FSTL4: variants seen among roughly 807,000 people sequenced by gnomAD.
FSTL4 encodes the protein follistatin like 4.
A neutral mutation model predicts 78.2 loss-of-function variants in FSTL4; 28 were observed. The ratio of observed to expected loss-of-function variants is 0.36; its 90% CI spans 0.27 to 0.49. The LOEUF is 0.49. FSTL4 is among the 20% of genes least tolerant of loss of function. The pLI, the probability that FSTL4 is intolerant of heterozygous loss-of-function variation, is 0.98. For synonymous variants in FSTL4, 422 were observed against 440.5 expected, an observed-to-expected ratio of 0.96 and a Z score of 0.53; for missense variants, 922 against 1,084.9, an observed-to-expected ratio of 0.85 and a Z score of 2.11.
chr5:133,460,867 T>G (rs1580723813), intron 3 of FSTL4, among the ~76,000 whole-genome samples: 1 of 152,368 alleles, frequency 6.6e-6, no homozygotes, highest in South Asian at 2.1e-4. Flanking sequence ...CTCTTTCAGT[T>G]AAATCTGTTT....
chr5:133,487,439 T>G (rs1386672975), intron 3 of FSTL4, among the ~76,000 whole-genome samples: 2 of 152,222 alleles, frequency 1.3e-5, no homozygotes, highest in African/African-American at 4.8e-5. Context: ...ACAAAGTCCC[T>G]GCATGTGCAA....
intron 3 of FSTL4, among the ~76,000 whole-genome samples, chr5:133,480,108 C>A (rs1000859543): frequency 6.6e-6 from 1 of 152,304 alleles, no homozygotes; most frequent in Admixed American, 6.5e-5. Flanking sequence ...GGACCCCAGG[C>A]GAAGTTGACC....
intron 3 of FSTL4, among the ~76,000 whole-genome samples, chr5:133,481,567 A>C (rs1348776916): frequency 6.7e-6 from 1 of 149,612 alleles, no homozygotes. Context: ...AAAAGCTATT[A>C]AGCTTTTTTA....
chr5:133,291,777 G>A (rs1179038674), intron 6 of FSTL4, among the ~76,000 whole-genome samples: 3 of 151,908 alleles, frequency 2.0e-5, no homozygotes, highest in African/African-American at 7.3e-5. Context: ...GAGGTGGGGA[G>A]GGTGTGGACG....
chr5:133,203,848 T>C (rs947107869), intron 14 of FSTL4, among the ~76,000 whole-genome samples: 1 of 152,206 alleles, frequency 6.6e-6, no homozygotes, highest in Non-Finnish European at 1.5e-5. Context: ...GGTTACTTCA[T>C]CAAAACGCAG....
At chr5:133,840,257 G>A in the FSTL4 span, among the ~76,000 whole-genome samples, 1 of 152,208 alleles carries the variant, frequency 6.6e-6, no homozygotes, top group Non-Finnish European at 1.5e-5. Context: ...GTGTTTACTT[G>A]AGAACAAATG....
At chr5:133,687,212 A>AG in the FSTL4 span, among the ~76,000 whole-genome samples, 2 of 151,844 alleles carry the variant, frequency 1.3e-5, no homozygotes, top group Admixed American at 6.6e-5. Flanking sequence ...GAGGCTAAAT[A>AG]GGGGGGGCAT....
chr5:133,501,353 A>AG, intron 3 of FSTL4, among the ~76,000 whole-genome samples: 1 of 152,330 alleles, frequency 6.6e-6, no homozygotes, highest in East Asian at 1.9e-4. Context: ...AGGATGGAAG[A>AG]GTTCTTCATT....
intron 3 of FSTL4, among the ~76,000 whole-genome samples, chr5:133,520,704 T>C (rs1229642211): frequency 6.6e-6 from 1 of 152,148 alleles, no homozygotes; most frequent in African/African-American, 2.4e-5. Context: ...AAAAGTCACA[T>C]ATATCATCCA....
the FSTL4 span, among the ~76,000 whole-genome samples, chr5:133,795,567 G>A: frequency 6.6e-6 from 1 of 152,212 alleles, no homozygotes; most frequent in African/African-American, 2.4e-5. Context: ...ACTTCGGAAA[G>A]CTTTGGAATG....
rs1759450535 is a variant in FSTL4, at chr5:133,540,730, A to AAAAAAG, written c.160+26455_160+26456insCTTTTT. Among the ~76,000 whole-genome samples, 3 of 151,584 alleles carry AAAAAAG rather than the reference A, an allele frequency of 2.0e-5. No individual in the cohort carries two copies. The South Asian group carries it at 6.3e-4, about 32-fold the overall frequency. On this transcript the variant is annotated intron_variant, in intron 3 of 15. Transcript: ENST00000265342. ...ATGTTTTAACATAGGCAAAAAAAAA[A>AAAAAAG]AAAAAAAAAGAAAGAAAAAAACAAA...
At position 133,401,085 on chromosome 5, in the gene FSTL4, T is replaced by G. The variant is rs898744905; in HGVS notation, c.161-99A>C. On this transcript the variant is annotated intron_variant, in intron 3 of 15. Transcript: ENST00000265342. ...CTCACAAGCACAGACTCCATTTGCC[T>G]GTGCAGCCAAGCTACTCAAGGTGGG... 1.7e-5 allele frequency: 24 copies of G among 1,413,876 alleles called. 2 individuals carry two copies. The South Asian group carries it at 2.9e-4, about 17-fold the overall frequency. The allele number at this position is 1,413,876 out of a possible 1,614,324, so 87.6% of individuals were successfully genotyped here.
chr5:133,751,241 A>G, the FSTL4 span, among the ~76,000 whole-genome samples: 1 of 152,204 alleles, frequency 6.6e-6, no homozygotes, highest in Non-Finnish European at 1.5e-5. Context: ...AGGAAACAGG[A>G]CACAGGCCCT....
chr5:133,535,832 G>A (rs1759341120), intron 3 of FSTL4, among the ~76,000 whole-genome samples: 1 of 152,140 alleles, frequency 6.6e-6, no homozygotes, highest in Non-Finnish European at 1.5e-5. Flanking sequence ...AGAAATTATG[G>A]GATTTTCTTT....
chr5:133,519,956 T>C (rs939448202), intron 3 of FSTL4, among the ~76,000 whole-genome samples: 1 of 152,176 alleles, frequency 6.6e-6, no homozygotes, highest in Admixed American at 6.5e-5. Context: ...GATAAACAAG[T>C]AGCTAGAGTA....
At chr5:133,365,437 T>TCC (rs1206333151) in intron 4 of FSTL4, among the ~76,000 whole-genome samples, 1 of 152,166 alleles carries the variant, frequency 6.6e-6, no homozygotes, top group African/African-American at 2.4e-5. Flanking sequence ...AGATGGGACC[T>TCC]CCCCTCTGGG....
intron 6 of FSTL4, among the ~76,000 whole-genome samples, chr5:133,250,805 T>C (rs2902803): frequency 0.98 from 148,719 of 152,372 alleles, 72,601 homozygotes; most frequent in East Asian, 1. Flanking sequence ...GCCCTCCTTC[T>C]TCCACAGATG....
Position 133,611,108 on chromosome 5 carries a change from C to A in FSTL4, c.-11+1217G>T, listed in dbSNP as rs534644138. Among the ~76,000 whole-genome samples, 581 of 152,244 alleles carry A rather than the reference C, an allele frequency of 3.8e-3. 7 individuals carry two copies. Among genetic ancestry groups the A allele is most frequent in the Non-Finnish European group, 3.8e-3 (258 of 67,992 alleles). Reference sequence around the variant, plus strand: ...GGCGGAAGCGACACCTAGAGGGGAGCGGCGGGCTGTGGCCGCGCCATTCAT... The same window carrying A: ...GGCGGAAGCGACACCTAGAGGGGAGAGGCGGGCTGTGGCCGCGCCATTCAT... On this transcript the variant is annotated intron_variant, in intron 1 of 15. Transcript: ENST00000265342. This position sits in a 1 kb window ranked among gnomAD's most constrained non-coding sequence, Gnocchi z 4.9.
chr5:133,233,382 A>G (rs1198998072), intron 8 of FSTL4, 35 bp downstream of exon 8: 27 of 1,612,666 alleles, frequency 1.7e-5, no homozygotes, highest in Non-Finnish European at 2.0e-5. Flanking sequence ...TGGGGAGGCT[A>G]TGAGGGGACA....
Sources: allele counts gnomAD v4.1 joint callset (sites outside exome capture counted in the v4.1 genomes callset), GRCh38; gene constraint gnomAD v4.1.1; non-coding constraint Gnocchi (gnomAD v3.1); transcripts MANE v1.5; gene names NCBI Gene and HGNC (gene_info 2026-07-23, HGNC 2026-07-21).